The following VPS13D variants were observed in gnomAD, a reference collection of about 807,000 sequenced individuals.
VPS13D encodes the protein intermembrane lipid transfer protein VPS13D.
In VPS13D, 187 loss-of-function variants were observed where a neutral mutation model predicts 461.9. The ratio of observed to expected loss-of-function variants is 0.40; its 90% CI spans 0.36 to 0.46. VPS13D has a LOEUF of 0.46. Ranked by LOEUF, VPS13D falls within the 20% of genes least tolerant of loss-of-function variation. The probability of loss-of-function intolerance (pLI) is 0.60; values close to 1 mark genes in which losing one functional copy is unlikely to be tolerated. For missense variants in VPS13D, 4,711 were observed against 5,364.9 expected (o/e 0.88, Z 3.81); for synonymous variants, 1,951 against 1,986.3 (o/e 0.98, Z 0.47).
At chr1:12,235,531 C>T (rs1259512741) in intron 2 of VPS13D, among the ~76,000 whole-genome samples, 1 of 152,130 alleles carries the variant, frequency 6.6e-6, no homozygotes, top group African/African-American at 2.4e-5. Flanking sequence ...GCCGAGGTCA[C>T]ACCACTGCAC....
chr1:12,504,462 A>T (rs993075826), intron 68 of VPS13D, among the ~76,000 whole-genome samples: 1 of 152,224 alleles, frequency 6.6e-6, no homozygotes, highest in Non-Finnish European at 1.5e-5. Flanking sequence ...CAGGACAGAG[A>T]TCCGTGTGGA....
At position 12,508,997 on chromosome 1, in the gene VPS13D, C is replaced by T; in HGVS notation, c.13140C>T (p.Asn4380=). 6.2e-7 allele frequency: 1 copy of T among 1,614,160 alleles called. No individual in the cohort carries two copies. Among genetic ancestry groups the T allele is most frequent in the South Asian group, 1.1e-5 (1 of 91,050 alleles). The part of the protein sequence containing the change: ...EQQLMLRLSE[N]REQLELDS ...AGCTTATGTTAAGACTCAGCGAAAA[C>T]CGAGAGCAGCTGGAGCTGGACTCCT... Residue 4380 remains asparagine (N), a synonymous_variant, in exon 70 of 70, where the codon AAC becomes AAT. Transcript: ENST00000620676.
chr1:12,261,847 G>A (rs1468866767), intron 12 of VPS13D, 54 bp from the exon 13 acceptor site: 3 of 1,464,766 alleles, frequency 2.0e-6, no homozygotes, highest in Middle Eastern at 1.8e-4. Flanking sequence ...GCTTGCTGGT[G>A]CTTTTTTATT....
chr1:12,477,198 C>T (rs1015751410), intron 67 of VPS13D, among the ~76,000 whole-genome samples: 1 of 152,188 alleles, frequency 6.6e-6, no homozygotes, highest in African/African-American at 2.4e-5. Context: ...TGGCTCACCC[C>T]TCAGAGGCCA....
Position 12,416,841 on chromosome 1 carries a change from G to A in VPS13D, c.12333+14G>A. ...TCTGCTGCCAAGGTAAGGAAATAGAGGTGAAATTCCATTATAATTAACCTC... is the reference window on the plus strand; with the variant it reads ...TCTGCTGCCAAGGTAAGGAAATAGAAGTGAAATTCCATTATAATTAACCTC... On this transcript the variant is annotated intron_variant, in intron 65 of 69. Coordinates refer to ENST00000620676, the MANE Select transcript of VPS13D (RefSeq NM_015378.4). 6.2e-7 allele frequency: 1 copy of A among 1,602,348 alleles called. No individual in the cohort carries two copies. Among genetic ancestry groups the A allele is most frequent in the Non-Finnish European group, 8.5e-7 (1 of 1,175,462 alleles).
intron 11 of VPS13D, 67 bp downstream of exon 11, chr1:12,260,861 G>A (rs1641084978): frequency 1.2e-6 from 2 of 1,610,126 alleles, no homozygotes; most frequent in Non-Finnish European, 8.5e-7. Context: ...GTTTTGATGT[G>A]CTTGTGCTCC....
In VPS13D at chr1:12,322,674, T is replaced by C; in HGVS notation, c.7843T>C (p.Tyr2615His). 2 of 1,614,242 alleles carry C rather than the reference T, an allele frequency of 1.2e-6. No individual in the cohort carries two copies. The highest frequency in any genetic ancestry group is 8.5e-7 in the Non-Finnish European group (1 of 1,180,032). Residue 2615 changes from tyrosine (Y) to histidine (H), a missense_variant, in exon 34 of 70, where the codon TAC (tyrosine) becomes CAC (histidine). By Grantham distance (83) the Tyr-to-His change is moderately conservative (BLOSUM62 2). Coordinates refer to ENST00000620676, the MANE Select transcript of VPS13D (RefSeq NM_015378.4). The stretch of plus-strand genomic sequence containing the variant: ...CCTGGAGTCAGACTCCGTTGGCACT[T>C]ACCTTCCAGGTGCATCTCGCGTTGG... ...VALESDSVGT[Y>H]LPGASRVGEE... is the part of the protein sequence containing the mutation.
At position 12,276,215 on chromosome 1, in the gene VPS13D, C is replaced by T. The variant is rs1641607583; in HGVS notation, c.2627C>T (p.Ser876Leu). 1.9e-6 allele frequency: 3 copies of T among 1,614,120 alleles called. No homozygotes were observed. Among genetic ancestry groups the T allele is most frequent in the Non-Finnish European group, 2.5e-6 (3 of 1,180,010 alleles). ...SDPKYPGAVL[S>L]GNLPDLKIHI... is the part of the protein sequence containing the mutation. ...CCCAAATATCCAGGAGCCGTGCTCT[C>T]AGGCAACTTACCAGACTTAAAAATC... is the stretch of plus-strand genomic sequence containing the variant. Residue 876 changes from serine (S) to leucine (L), a missense_variant, in exon 19 of 70, where the codon TCA (serine) becomes TTA (leucine). By Grantham distance (145) the Ser-to-Leu change is moderately radical. Around this residue, in one of 3 missense-constraint regions of VPS13D, gnomAD observed 4,411 missense variants for 4,937.8 expected, o/e 0.89. Transcript: ENST00000620676. The surrounding 1 kb of genome is among the most constrained non-coding windows in gnomAD (Gnocchi z 4.5).
At chr1:12,361,139 G>GAACT (rs1395974701) in intron 50 of VPS13D, among the ~76,000 whole-genome samples, 2 of 152,232 alleles carry the variant, frequency 1.3e-5, no homozygotes, top group Admixed American at 1.3e-4. Flanking sequence ...ATCTAACTTA[G>GAACT]AAGGTTGTTA....
At position 12,293,595 on chromosome 1, in the gene VPS13D, A is replaced by G. The variant is rs747204221; in HGVS notation, c.5924A>G (p.Gln1975Arg). ...IRVSLRMASV[Q>R]YVHTQRFQAE... ...GTGAGCCTCCGGATGGCCTCTGTGC[A>G]GTATGTGCATACTCAGCGTTTCCAG... is the stretch of plus-strand genomic sequence containing the variant. The change falls in exon 24 of 70, where the codon CAG becomes CGG. Residue 1975 changes from glutamine to arginine, a missense_variant. Coordinates refer to ENST00000620676, the MANE Select transcript of VPS13D (RefSeq NM_015378.4). 47 of 1,614,070 alleles carry G rather than the reference A, an allele frequency of 2.9e-5. No homozygotes were observed. In the Middle Eastern group the frequency reaches 6.6e-4, roughly 23 times the overall value.
At chr1:12,416,180 GAGAA>G (rs2100234548) in intron 64 of VPS13D, among the ~76,000 whole-genome samples, 1 of 152,262 alleles carries the variant, frequency 6.6e-6, no homozygotes, top group South Asian at 2.1e-4. Context: ...CCCTGCTTCA[GAGAA>G]AGAAACAGTG....
intron 5 of VPS13D, among the ~76,000 whole-genome samples, chr1:12,247,428 A>G (rs1476438246): frequency 6.6e-6 from 1 of 151,886 alleles, no homozygotes; most frequent in Non-Finnish European, 1.5e-5. Context: ...AAAAAAAAAA[A>G]AGCCTGCAGA....
At chr1:12,280,034 C>G (rs1015906004) in intron 20 of VPS13D, among the ~76,000 whole-genome samples, 3 of 151,948 alleles carry the variant, frequency 2.0e-5, no homozygotes, top group African/African-American at 7.3e-5. Context: ...GAGCTGTGGA[C>G]AGATCCTTTC....
At chr1:12,406,899 A>G (rs543720888) in intron 63 of VPS13D, among the ~76,000 whole-genome samples, 37 of 152,314 alleles carry the variant, frequency 2.4e-4, no homozygotes, top group African/African-American at 8.9e-4. Context: ...TAATTGAGCA[A>G]TCTAGTTTGG....
chr1:12,404,808 G>A (rs1644629190), intron 63 of VPS13D, among the ~76,000 whole-genome samples: 1 of 152,192 alleles, frequency 6.6e-6, no homozygotes, highest in Non-Finnish European at 1.5e-5. Context: ...AGTGATAGGA[G>A]CAGGAGTGGA....
intron 44 of VPS13D, among the ~76,000 whole-genome samples, chr1:12,346,866 C>T (rs1643688120): frequency 6.6e-6 from 1 of 152,132 alleles, no homozygotes; most frequent in Admixed American, 6.5e-5. Flanking sequence ...CTAAGTATTA[C>T]AGGGAAGGAG....
Position 12,304,718 on chromosome 1 carries a change from C to T in VPS13D, c.6429C>T (p.Ser2143=). ...PQPTLSVGQE[S]SSPEDHVCLL... is the part of the protein sequence containing the mutation. Reference sequence around the variant, plus strand: ...CCACACTGTCTGTTGGCCAAGAGTCCAGTAGTCCAGGTAAAAGAGGAGAAA... The same window carrying T: ...CCACACTGTCTGTTGGCCAAGAGTCTAGTAGTCCAGGTAAAAGAGGAGAAA... The change falls in exon 26 of 70, where the codon TCC becomes TCT. Residue 2143 remains serine, a synonymous_variant. Coordinates refer to ENST00000620676, the MANE Select transcript of VPS13D (RefSeq NM_015378.4). 4 of 1,613,770 alleles carry T rather than the reference C, an allele frequency of 2.5e-6. No individual in the cohort carries two copies. Among genetic ancestry groups the T allele is most frequent in the Non-Finnish European group, 3.4e-6 (4 of 1,180,008 alleles).
chr1:12,458,567 TAA>T (rs111566093), intron 66 of VPS13D, among the ~76,000 whole-genome samples: 1 of 141,648 alleles, frequency 7.1e-6, no homozygotes. Context: ...ACCCTGTTTC[TAA>T]AAAAAAAAAA....
At chr1:12,480,401 A>G (rs544202482) in intron 67 of VPS13D, among the ~76,000 whole-genome samples, 1 of 152,308 alleles carries the variant, frequency 6.6e-6, no homozygotes, top group South Asian at 2.1e-4. Context: ...CCTGGACAGA[A>G]GCTTTCTAGA....
Sources: gnomAD v4.1 joint callset for allele counts (sites outside exome capture counted in the v4.1 genomes callset) on GRCh38, gnomAD v4.1.1 for gene constraint, gnomAD v4.1.1 regional missense constraint, Gnocchi (gnomAD v3.1) non-coding constraint, MANE v1.5 for transcripts, NCBI Gene and HGNC (gene_info 2026-07-23, HGNC 2026-07-21) for gene names.